The following MRPS35 variants were observed in gnomAD, a reference collection of about 807,000 sequenced individuals.
MRPS35 encodes mitochondrial ribosomal protein S35.
Under a neutral mutation model 32.7 loss-of-function variants are expected in MRPS35, and 29 were observed. The ratio of observed to expected loss-of-function variants is 0.89; its 90% CI spans 0.66 to 1.21. The LOEUF (loss-of-function observed/expected upper bound fraction) is 1.21. Among genes scored for constraint, MRPS35 ranks in the 50% most tolerant of loss-of-function variants. MRPS35 has a pLI of 0.00. For missense variants in MRPS35, 373 were observed against 383.8 expected, an observed-to-expected ratio of 0.97 and a Z score of 0.23; for synonymous variants, 148 against 139.3, an observed-to-expected ratio of 1.06 and a Z score of -0.44.
At position 27,747,656 on chromosome 12, in the gene MRPS35, G is replaced by A. The variant is rs1390238394; in HGVS notation, c.703-7525G>A. Among the ~76,000 whole-genome samples the A allele has an allele frequency of 3.3e-5, 5 of 152,302 alleles. No homozygotes were observed. The East Asian group carries it at 9.6e-4, about 29-fold the overall frequency. On this transcript the variant is annotated intron_variant, in intron 7 of 7. Coordinates refer to ENST00000081029, the MANE Select transcript of MRPS35 (RefSeq NM_021821.4). ...ATCATGAGTAGTGGAATATTACTAT[G>A]ATTCATGTCCTAGGCAAAGAGAGTT...
intron 7 of MRPS35, among the ~76,000 whole-genome samples, chr12:27,748,256 G>A (rs2061987871): frequency 6.6e-6 from 1 of 152,180 alleles, no homozygotes. Flanking sequence ...TAGACTGAAT[G>A]TTCCCAGAGA....
chr12:27,732,369 G>A (rs1476310173), intron 5 of MRPS35, among the ~76,000 whole-genome samples: 2 of 152,106 alleles, frequency 1.3e-5, no homozygotes, highest in African/African-American at 4.8e-5. Context: ...CTTGTATCAT[G>A]CTTTTCCTCT....
At chr12:27,735,967 G>A (rs765030741) in intron 6 of MRPS35, among the ~76,000 whole-genome samples, 19 of 152,092 alleles carry the variant, frequency 1.2e-4, no homozygotes, top group African/African-American at 4.3e-4. Flanking sequence ...AGGCACATTC[G>A]TAAATAATCA....
chr12:27,719,624 C>T (rs1353031641), intron 3 of MRPS35, among the ~76,000 whole-genome samples, 184 bp from the exon 4 acceptor site: 1 of 151,154 alleles, frequency 6.6e-6, no homozygotes, highest in Non-Finnish European at 1.5e-5. Context: ...CGAGATTGCG[C>T]CACTGCAGTC....
chr12:27,751,598 A>C (rs745518973), intron 7 of MRPS35, among the ~76,000 whole-genome samples: 6 of 152,110 alleles, frequency 3.9e-5, no homozygotes, highest in Non-Finnish European at 5.9e-5. Flanking sequence ...CCCTGCCTTC[A>C]GGGTCAGCAG....
chr12:27,714,125 G>A (rs75645654), intron 1 of MRPS35, among the ~76,000 whole-genome samples: 1 of 150,316 alleles, frequency 6.7e-6, no homozygotes, highest in African/African-American at 2.4e-5. Context: ...AAAATTCACC[G>A]TCATACAAAC....
intron 7 of MRPS35, among the ~76,000 whole-genome samples, chr12:27,740,860 A>G (rs2061961954): frequency 6.6e-6 from 1 of 152,204 alleles, no homozygotes. Context: ...TAAGAGACAC[A>G]TATTCACTGG....
chr12:27,727,864 T>C (rs560891901), intron 5 of MRPS35, among the ~76,000 whole-genome samples: 28 of 152,128 alleles, frequency 1.8e-4, no homozygotes, highest in Non-Finnish European at 3.2e-4. Context: ...GTCCCTGATA[T>C]AAAATGGCAT....
At chr12:27,743,385 G>A (rs61915373) in intron 7 of MRPS35, among the ~76,000 whole-genome samples, 5,958 of 151,938 alleles carry the variant, frequency 0.039, 177 homozygotes, top group Non-Finnish European at 0.067. Context: ...TAAATTAGCC[G>A]GGTGTGGTGG....
At chr12:27,720,267 A>C (rs2140756905) in intron 4 of MRPS35, among the ~76,000 whole-genome samples, 1 of 151,916 alleles carries the variant, frequency 6.6e-6, no homozygotes, top group African/African-American at 2.4e-5. Flanking sequence ...GGTGGCAGGC[A>C]CCTATAATCC....
At chr12:27,751,554 G>C (rs938430085) in intron 7 of MRPS35, among the ~76,000 whole-genome samples, 1 of 152,036 alleles carries the variant, frequency 6.6e-6, no homozygotes, top group African/African-American at 2.4e-5. Flanking sequence ...TGGCTCCCGC[G>C]ACCCCCATGC....
intron 5 of MRPS35, among the ~76,000 whole-genome samples, chr12:27,734,982 A>T (rs889843732): frequency 1.3e-5 from 2 of 152,198 alleles, no homozygotes; most frequent in Non-Finnish European, 2.9e-5. Flanking sequence ...TGTAGCTTTT[A>T]AAAAAAGCTT....
intron 7 of MRPS35, among the ~76,000 whole-genome samples, chr12:27,754,071 T>C (rs1324613825): frequency 6.6e-6 from 1 of 152,014 alleles, no homozygotes. Flanking sequence ...CTAGAAAACA[T>C]GGTGAAACTC....
intron 3 of MRPS35, among the ~76,000 whole-genome samples, chr12:27,716,835 C>G (rs1286487954): frequency 6.6e-6 from 1 of 152,052 alleles, no homozygotes; most frequent in East Asian, 1.9e-4. Context: ...TAAAAACACA[C>G]AAAAAATTAG....
intron 5 of MRPS35, among the ~76,000 whole-genome samples, chr12:27,728,334 TAATA>T (rs892841030): frequency 6.6e-6 from 1 of 152,124 alleles, no homozygotes; most frequent in Non-Finnish European, 1.5e-5. Flanking sequence ...GAGGCTAATA[TAATA>T]AATACCCATA....
In MRPS35 at chr12:27,724,085, G is replaced by C. The variant is rs763066388; in HGVS notation, c.421G>C (p.Glu141Gln). 6.2e-7 allele frequency: 1 copy of C among 1,612,376 alleles called. No individual in the cohort carries two copies. The highest frequency in any genetic ancestry group is 1.1e-5 in the South Asian group (1 of 90,704). ...TEWPAALDSD[E>Q]KCEKHFPIEI... ...GTGGCCAGCCGCACTGGACAGTGAC[G>C]AGAAATGTGAGAAGCATTTTCCAAT... Residue 141 changes from glutamate (E) to glutamine (Q), a missense_variant, in exon 5 of 8, where the codon GAG (glutamate) becomes CAG (glutamine). Transcript: ENST00000081029.
At position 27,723,971 on chromosome 12, in the gene MRPS35, G is replaced by A. The variant is rs2140760749; in HGVS notation, c.383-76G>A. On this transcript the variant is annotated intron_variant, in intron 4 of 7. Transcript: ENST00000081029. ...ACTTGGTGATGCTCTCAGTAATTTG[G>A]TATTGTCTAGTAGTATGCATTACAA... 6.4e-6 allele frequency: 9 copies of A among 1,403,522 alleles called. No homozygotes were observed. In the South Asian group the frequency reaches 1.1e-4, roughly 17 times the overall value. The allele number at this position is 1,403,522 out of a possible 1,614,324, so 86.9% of individuals were successfully genotyped here. A position where few individuals can be genotyped will look rare whatever the true frequency, so the allele number is the denominator to read the frequency against.
chr12:27,726,606 T>G (rs1383802919), intron 5 of MRPS35, among the ~76,000 whole-genome samples: 1 of 152,168 alleles, frequency 6.6e-6, no homozygotes, highest in Non-Finnish European at 1.5e-5. Flanking sequence ...TTCACTATTT[T>G]ACAATTTCAC....
intron 7 of MRPS35, among the ~76,000 whole-genome samples, chr12:27,751,776 T>C (rs2062005101): frequency 6.6e-6 from 1 of 152,190 alleles, no homozygotes; most frequent in African/African-American, 2.4e-5. Flanking sequence ...GCAGGGCAAT[T>C]ATACCTTTTA....
Sources: allele counts gnomAD v4.1 joint callset (sites outside exome capture counted in the v4.1 genomes callset), GRCh38; gene constraint gnomAD v4.1.1; transcripts MANE v1.5; gene names NCBI Gene and HGNC (gene_info 2026-07-23, HGNC 2026-07-21).